Variants in LPAR2 observed in about 807,000 individuals in gnomAD.
LPAR2 encodes the protein G protein-coupled receptor.
A neutral mutation model predicts 15.6 loss-of-function variants in LPAR2; 10 were observed. The observed-to-expected ratio is 0.64, with a 90% CI of 0.39 to 1.09. The LOEUF (loss-of-function observed/expected upper bound fraction) is 1.09. Ranked by LOEUF, LPAR2 falls within the 50% of genes least tolerant of loss-of-function variation. The pLI is 0.01. For synonymous variants in LPAR2, 204 were observed against 207.4 expected, an observed-to-expected ratio of 0.98 and a Z score of 0.14; for missense variants, 413 against 484.6, an observed-to-expected ratio of 0.85 and a Z score of 1.39.
Position 19,626,659 on chromosome 19 carries a change from G to A in LPAR2, c.626C>T (p.Thr209Ile), listed in dbSNP as rs1319289692. ...CCGCCGCACGTAGAAGAAAATGCGG[G>A]TGTACACAGCCACCATGAGCAGGAA... The change falls in exon 2 of 3, where the codon ACC becomes ATC. Residue 209 changes from threonine to isoleucine, a missense_variant. By Grantham distance (89) the Thr-to-Ile change is moderately conservative. Coordinates refer to ENST00000407877, the MANE Select transcript of LPAR2 (RefSeq NM_004720.7). The surrounding 1 kb of genome is among the most constrained non-coding windows in gnomAD (Gnocchi z 5.3). The A allele has an allele frequency of 4.3e-6, 7 of 1,613,524 alleles. No homozygotes were observed. The highest frequency in any genetic ancestry group is 1.1e-5 in the South Asian group (1 of 91,088).
At position 19,623,723 on chromosome 19, in the gene LPAR2, A is replaced by C; in HGVS notation, c.*533T>G. 6.5e-6 allele frequency: 1 copy of C among 154,878 alleles called. No individual in the cohort carries two copies. Among genetic ancestry groups the C allele is most frequent in the Non-Finnish European group, 1.4e-5 (1 of 69,622 alleles). The allele number at this position is 154,878 out of a possible 1,614,324, so 9.6% of individuals were successfully genotyped here. On this transcript the variant is annotated 3_prime_UTR_variant, in exon 3 of 3. Transcript: ENST00000407877. Reference sequence around the variant, plus strand: ...CATCCCCTCCCCGTGGACTGCTTCAATTCTATCGGGGACAGGCCAGTCCCT... The same window carrying C: ...CATCCCCTCCCCGTGGACTGCTTCACTTCTATCGGGGACAGGCCAGTCCCT...
Position 19,627,422 on chromosome 19 carries a change from G to T in LPAR2, c.1-138C>A. 1.2e-6 allele frequency: 1 copy of T among 854,454 alleles called. No homozygotes were observed. Among genetic ancestry groups the T allele is most frequent in the Non-Finnish European group, 1.8e-6 (1 of 552,844 alleles). 52.9% of individuals were successfully genotyped at this position (854,454 alleles called of 1,614,324 possible). On this transcript the variant is annotated intron_variant, in intron 1 of 2. Transcript: ENST00000407877. The surrounding 1 kb of genome is among the most constrained non-coding windows in gnomAD (Gnocchi z 4.7). ...CTCGAAGCAAAGTGGCAGTGGTGAG[G>T]ACTACGGTGGCCTGGAAAAAGCAAG...
At position 19,627,079 on chromosome 19, in the gene LPAR2, T is replaced by C. The variant is rs2061745101; in HGVS notation, c.206A>G (p.Tyr69Cys). The C allele has an allele frequency of 6.2e-7, 1 of 1,613,324 alleles. No individual in the cohort carries two copies. The highest frequency in any genetic ancestry group is 8.5e-7 in the Non-Finnish European group (1 of 1,179,842). Residue 69 changes from tyrosine to cysteine, a missense_variant, in exon 2 of 3, where the codon TAC (tyrosine) becomes TGC (cysteine). Physicochemically the swap from Tyr to Cys is radical, Grantham distance 194 (BLOSUM62 -2). Coordinates refer to ENST00000407877, the MANE Select transcript of LPAR2 (RefSeq NM_004720.7). The surrounding 1 kb of genome is among the most constrained non-coding windows in gnomAD (Gnocchi z 4.7). ...AGCCGCGGCCAGATTGCCGAGCAGG[T>C]AGTAGATGGGCTGGTGGAAGCGGCG... is the stretch of plus-strand genomic sequence containing the variant.
At chr19:19,625,580 C>T (rs528652060) in intron 2 of LPAR2, among the ~76,000 whole-genome samples, 11 of 151,560 alleles carry the variant, frequency 7.3e-5, no homozygotes, top group African/African-American at 1.2e-4. Flanking sequence ...GTCAAGACAT[C>T]GAGACCATCC....
Position 19,623,908 on chromosome 19 carries a change from C to T in LPAR2, c.*348G>A, listed in dbSNP as rs753706082. The stretch of plus-strand genomic sequence containing the variant: ...GCCCGAGAGAGCCCTTATCTCTCCC[C>T]ACCTTAAAACCCTCAGCATCACACA... On this transcript the variant is annotated 3_prime_UTR_variant, in exon 3 of 3. Coordinates refer to ENST00000407877, the MANE Select transcript of LPAR2 (RefSeq NM_004720.7). 4.1e-5 allele frequency: 11 copies of T among 270,288 alleles called. No individual in the cohort carries two copies. The highest frequency in any genetic ancestry group is 3.8e-4 in the Admixed American group (8 of 21,302). 16.7% of individuals were successfully genotyped at this position (270,288 alleles called of 1,614,324 possible).
Position 19,627,290 on chromosome 19 carries a change from G to A in LPAR2, c.1-6C>T, listed in dbSNP as rs1392508667. ...CACTGGCCCATGATGACCATCTGGG[G>A]ACACAAGAGATCAGTGCATGTGGCA... On this transcript the variant is annotated splice_region_variant and splice_polypyrimidine_tract_variant and intron_variant, in intron 1 of 2. Coordinates refer to ENST00000407877, the MANE Select transcript of LPAR2 (RefSeq NM_004720.7). This position sits in a 1 kb window ranked among gnomAD's most constrained non-coding sequence, Gnocchi z 4.7. 2 of 1,596,514 alleles carry A rather than the reference G, an allele frequency of 1.3e-6. No individual in the cohort carries two copies. Among genetic ancestry groups the A allele is most frequent in the East Asian group, 2.2e-5 (1 of 44,854 alleles).
Position 19,624,477 on chromosome 19 carries a change from A to C in LPAR2, c.835T>G (p.Tyr279Asp). 1.2e-6 allele frequency: 2 copies of C among 1,614,036 alleles called. No individual in the cohort carries two copies. The highest frequency in any genetic ancestry group is 1.7e-6 in the Non-Finnish European group (2 of 1,179,972). ...TTGGCCTCGGCCAACAGTAGGAAGT[A>C]CTTTTCTACAGCCAGGACATTGCAG... The change falls in exon 3 of 3, where the codon TAC becomes GAC. Residue 279 changes from tyrosine to aspartate, a missense_variant. By Grantham distance (160) the Tyr-to-Asp change is radical. Transcript: ENST00000407877.
intron 2 of LPAR2, 93 bp from the exon 3 acceptor site, chr19:19,624,662 G>C (rs775811877): frequency 9.8e-7 from 1 of 1,015,442 alleles, no homozygotes; most frequent in Admixed American, 2.5e-5. Flanking sequence ...TCCAGAGCTC[G>C]AGCAATAGTG....
Position 19,624,032 on chromosome 19 carries a change from T to G in LPAR2, c.*224A>C. ...ACCTGAGATGGCTGAAGAGCCAGAT[T>G]CCTGCACCCCATCTGACTCCCCCAG... On this transcript the variant is annotated 3_prime_UTR_variant, in exon 3 of 3. Transcript: ENST00000407877. The G allele has an allele frequency of 1.7e-6, 1 of 575,092 alleles. No homozygotes were observed. The highest frequency in any genetic ancestry group is 3.1e-6 in the Non-Finnish European group (1 of 323,198). The allele number at this position is 575,092 out of a possible 1,614,324, so 35.6% of individuals were successfully genotyped here.
In LPAR2 at chr19:19,627,243, G is replaced by A; in HGVS notation, c.42C>T (p.Gly14=). Reference sequence around the variant, plus strand: ...CTTTGCCACTGTTGTTATAGAAGAAGCCGATGGTCTCGTTGTAGTAGCACT... The same window carrying A: ...CTTTGCCACTGTTGTTATAGAAGAAACCGATGGTCTCGTTGTAGTAGCACT... The change falls in exon 2 of 3, where the codon GGC becomes GGT. Residue 14 remains glycine (G), a synonymous_variant. Transcript: ENST00000407877. The surrounding 1 kb of genome is among the most constrained non-coding windows in gnomAD (Gnocchi z 4.7). 1.2e-6 allele frequency: 2 copies of A among 1,607,902 alleles called. No homozygotes were observed. The highest frequency in any genetic ancestry group is 1.7e-6 in the Non-Finnish European group (2 of 1,179,982).
At position 19,623,940 on chromosome 19, in the gene LPAR2, A is replaced by C; in HGVS notation, c.*316T>G. The stretch of plus-strand genomic sequence containing the variant: ...AAACCCTCAGCATCACACAGCAGGA[A>C]CCAGTCCACAGGGCTTACCAAGGAT... On this transcript the variant is annotated 3_prime_UTR_variant, in exon 3 of 3. Coordinates refer to ENST00000407877, the MANE Select transcript of LPAR2 (RefSeq NM_004720.7). The C allele has an allele frequency of 2.8e-6, 1 of 359,430 alleles. No homozygotes were observed. Among genetic ancestry groups the C allele is most frequent in the Non-Finnish European group, 5.1e-6 (1 of 194,642 alleles). The allele number at this position is 359,430 out of a possible 1,614,324, so 22.3% of individuals were successfully genotyped here.
chr19:19,627,384 C>G lies in LPAR2; in HGVS notation c.1-100G>C. 1 of 1,242,416 alleles carries G rather than the reference C, an allele frequency of 8.0e-7. No individual in the cohort carries two copies. The highest frequency in any genetic ancestry group is 2.1e-5 in the Admixed American group (1 of 47,452). The allele number at this position is 1,242,416 out of a possible 1,614,324, so 77.0% of individuals were successfully genotyped here. A position where few individuals can be genotyped will look rare whatever the true frequency, so the allele number is the denominator to read the frequency against. Reference sequence around the variant, plus strand: ...GTCAGCGCAGGAAGGACAAGGGTCTCAAATTCAGATACCTCGAAGCAAAGT... The same window carrying G: ...GTCAGCGCAGGAAGGACAAGGGTCTGAAATTCAGATACCTCGAAGCAAAGT... On this transcript the variant is annotated intron_variant, in intron 1 of 2. Coordinates refer to ENST00000407877, the MANE Select transcript of LPAR2 (RefSeq NM_004720.7). This position sits in a 1 kb window ranked among gnomAD's most constrained non-coding sequence, Gnocchi z 4.7.
At position 19,624,222 on chromosome 19, in the gene LPAR2, G is replaced by A. The variant is rs1198395624; in HGVS notation, c.*34C>T. The A allele has an allele frequency of 4.5e-6, 7 of 1,568,402 alleles. No individual in the cohort carries two copies. Among genetic ancestry groups the A allele is most frequent in the Non-Finnish European group, 6.1e-6 (7 of 1,153,416 alleles). ...ACAAGTCATCAGGGGCTGTGGATTT[G>A]TTGCTTGCCGCGTACCGCTGAAGTT... On this transcript the variant is annotated 3_prime_UTR_variant, in exon 3 of 3. Transcript: ENST00000407877.
rs906698441 is a variant in LPAR2 at position 19,628,179 on chromosome 19, G to A, written c.-88C>T. Reference sequence around the variant, plus strand: ...CCATGGCCCGGCGACTGCGGCGGGAGCGGTAGAGCGTCCGGGTGCGCCCTG... The same window carrying A: ...CCATGGCCCGGCGACTGCGGCGGGAACGGTAGAGCGTCCGGGTGCGCCCTG... On this transcript the variant is annotated 5_prime_UTR_variant, in exon 1 of 3. Transcript: ENST00000407877. The A allele has an allele frequency of 6.6e-6, 1 of 152,128 alleles. No homozygotes were observed. Among genetic ancestry groups the A allele is most frequent in the African/African-American group, 2.4e-5 (1 of 41,418 alleles). The allele number at this position is 152,128 out of a possible 1,614,324, so 9.4% of individuals were successfully genotyped here.
intron 2 of LPAR2, among the ~76,000 whole-genome samples, chr19:19,624,975 G>C (rs2061732896): frequency 6.6e-6 from 1 of 151,954 alleles, no homozygotes; most frequent in South Asian, 2.1e-4. Context: ...CACCATGCCC[G>C]GCTATATTTT....
chr19:19,625,448 A>G (rs2061734969), intron 2 of LPAR2, among the ~76,000 whole-genome samples: 1 of 152,128 alleles, frequency 6.6e-6, no homozygotes, highest in Non-Finnish European at 1.5e-5. Flanking sequence ...AGCCTAGGCA[A>G]GAGTAAGATC....
At position 19,626,835 on chromosome 19, in the gene LPAR2, G is replaced by A. The variant is rs1221996368; in HGVS notation, c.450C>T (p.Leu150=). The change falls in exon 2 of 3, where the codon CTC becomes CTT. Residue 150 remains leucine, a synonymous_variant. Transcript: ENST00000407877. The surrounding 1 kb of genome is among the most constrained non-coding windows in gnomAD (Gnocchi z 5.3). ...GGGCAGCCACCCACACGCCCACAAT[G>A]AGCATGACCACGCGGCCACGGGGCA... 6.3e-7 allele frequency: 1 copy of A among 1,596,538 alleles called. No homozygotes were observed. The highest frequency in any genetic ancestry group is 1.1e-5 in the South Asian group (1 of 89,524).
rs756150982 is a variant in LPAR2 at position 19,624,545 on chromosome 19, G to A, written c.767C>T (p.Pro256Leu). ...ATCCAGGAGCAGTACCACCTGGCCT[G>A]GTGTCCAGCAGACCACGAACGCCCC... The change falls in exon 3 of 3, where the codon CCA (proline) becomes CTA (leucine). Residue 256 changes from proline to leucine, a missense_variant. Physicochemically the swap from Pro to Leu is moderately conservative, Grantham distance 98. Transcript: ENST00000407877. 1 of 1,607,136 alleles carries A rather than the reference G, an allele frequency of 6.2e-7. No individual in the cohort carries two copies. Among genetic ancestry groups the A allele is most frequent in the East Asian group, 2.2e-5 (1 of 44,760 alleles).
Position 19,627,442 on chromosome 19 carries a change from A to T in LPAR2, c.1-158T>A. 2.9e-6 allele frequency: 2 copies of T among 687,128 alleles called. No homozygotes were observed. The highest frequency in any genetic ancestry group is 2.5e-6 in the Non-Finnish European group (1 of 408,040). 42.6% of individuals were successfully genotyped at this position (687,128 alleles called of 1,614,324 possible). On this transcript the variant is annotated intron_variant, in intron 1 of 2. Coordinates refer to ENST00000407877, the MANE Select transcript of LPAR2 (RefSeq NM_004720.7). The surrounding 1 kb of genome is among the most constrained non-coding windows in gnomAD (Gnocchi z 4.7). ...GTGAGGACTACGGTGGCCTGGAAAA[A>T]GCAAGCTCCATGGGGCTGGGGTGGA...
Sources: allele counts gnomAD v4.1 joint callset (sites outside exome capture counted in the v4.1 genomes callset), GRCh38; gene constraint gnomAD v4.1.1; non-coding constraint Gnocchi (gnomAD v3.1); transcripts MANE v1.5; gene names NCBI Gene and HGNC (gene_info 2026-07-23, HGNC 2026-07-21).